TBCD: variants seen among roughly 807,000 people sequenced by gnomAD.
The protein encoded by TBCD is tubulin folding cofactor D.
Under a neutral mutation model 169.3 loss-of-function variants are expected in TBCD, and 105 were observed. That is an observed-to-expected ratio of 0.62 (90% CI 0.53 to 0.73). The LOEUF is 0.73. Among genes scored for constraint, TBCD ranks in the 30% least tolerant of loss-of-function variants. TBCD has a pLI of 0.00. For synonymous variants in TBCD, 700 were observed against 643.9 expected (o/e 1.09, Z -1.32); for missense variants, 1,444 against 1,600.1 (o/e 0.90, Z 1.66).
intron 13 of TBCD, among the ~76,000 whole-genome samples, chr17:82,867,171 G>A (rs759689722): frequency 7.9e-6 from 1 of 126,178 alleles, no homozygotes; most frequent in Non-Finnish European, 1.8e-5. Flanking sequence ...CAGCACCTCC[G>A]TGGCCTGGGG....
chr17:82,874,111 T>C lies in TBCD; in HGVS notation c.1475+3731T>C, dbSNP rs2057796618. On this transcript the variant is annotated intron_variant, in intron 14 of 38. Coordinates refer to ENST00000355528, the MANE Select transcript of TBCD (RefSeq NM_005993.5). This position sits in a 1 kb window ranked among gnomAD's most constrained non-coding sequence, Gnocchi z 5.0. The stretch of plus-strand genomic sequence containing the variant: ...GTGTGGGGTTGAGCCCATCATGCTG[T>C]GGGGTGCTCCCTGGGGGTTGTGTGT... 6.6e-6 allele frequency among the ~76,000 whole-genome samples: 1 copy of C among 152,112 alleles called. No homozygotes were observed. The highest frequency in any genetic ancestry group is 1.5e-5 in the Non-Finnish European group (1 of 68,010).
chr17:82,892,010 T>C (rs1330494567), intron 16 of TBCD, among the ~76,000 whole-genome samples: 1 of 152,090 alleles, frequency 6.6e-6, no homozygotes, highest in African/African-American at 2.4e-5. Flanking sequence ...TGTGGTGGCC[T>C]GTCCACACCC....
At position 82,816,580 on chromosome 17, in the gene TBCD, C is replaced by G. The variant is rs1263284837; in HGVS notation, c.1318+1646C>G. Among the ~76,000 whole-genome samples, 4 of 152,040 alleles carry G rather than the reference C, an allele frequency of 2.6e-5. No individual in the cohort carries two copies. In the East Asian group the frequency reaches 7.7e-4, roughly 29 times the overall value. ...ACGCGGTTTCACTTTGTTGCCCAGG[C>G]TGGAGTGTGGTGATGCAATCTCTGC... On this transcript the variant is annotated intron_variant, in intron 13 of 38. Transcript: ENST00000355528.
In TBCD at chr17:82,925,074, G is replaced by T; in HGVS notation, c.2379+17G>T. ...CTCCAGCAGGTGAGGCTGGCCACGCGCAGTGGACGGGGCCTAGGGCGAGGG... is the reference window on the plus strand; with the variant it reads ...CTCCAGCAGGTGAGGCTGGCCACGCTCAGTGGACGGGGCCTAGGGCGAGGG... On this transcript the variant is annotated intron_variant, in intron 27 of 38. Transcript: ENST00000355528. 6.5e-7 allele frequency: 1 copy of T among 1,538,046 alleles called. No individual in the cohort carries two copies. The highest frequency in any genetic ancestry group is 8.8e-7 in the Non-Finnish European group (1 of 1,138,478).
intron 13 of TBCD, among the ~76,000 whole-genome samples, chr17:82,868,693 T>A (rs2057354154): frequency 6.6e-6 from 1 of 152,220 alleles, no homozygotes; most frequent in Admixed American, 6.5e-5. Context: ...TTGCATATAA[T>A]ATTCGTAGTC....
At chr17:82,813,200 T>A (rs2051582454) in intron 12 of TBCD, among the ~76,000 whole-genome samples, 2 of 152,204 alleles carry the variant, frequency 1.3e-5, no homozygotes, top group Admixed American at 1.3e-4. Flanking sequence ...GAGGTCATTT[T>A]ACATTAGTGC....
chr17:82,823,935 C>G (rs1239757186), intron 13 of TBCD, among the ~76,000 whole-genome samples: 1 of 152,158 alleles, frequency 6.6e-6, no homozygotes, highest in East Asian at 1.9e-4. Flanking sequence ...CCCTGATGCT[C>G]CTTCCCTTCA....
chr17:82,932,539 C>T (rs1039602731), intron 33 of TBCD, 119 bp from the exon 34 acceptor site: 18 of 798,708 alleles, frequency 2.3e-5, no homozygotes, highest in African/African-American at 1.0e-4. Context: ...TGCGTTTCCA[C>T]GTAAATTATA....
intron 38 of TBCD, 81 bp from the exon 39 acceptor site, chr17:82,942,368 C>T: frequency 1.3e-6 from 2 of 1,599,452 alleles, no homozygotes; most frequent in Non-Finnish European, 1.7e-6. Context: ...CCACACAGGG[C>T]CCAGAGGGGT....
At chr17:82,860,430 CA>C in intron 13 of TBCD, 10 of 985,446 alleles carry the variant, frequency 1.0e-5, no homozygotes, top group Non-Finnish European at 1.2e-5. Context: ...GGGGGACAGA[CA>C]CAGGTGGAAG....
chr17:82,813,866 C>T (rs1228516315), intron 12 of TBCD, among the ~76,000 whole-genome samples: 2 of 152,212 alleles, frequency 1.3e-5, no homozygotes, highest in African/African-American at 4.8e-5. Context: ...GTGTCTGTCT[C>T]AGCCCCTCCT....
At chr17:82,899,362 G>GCGTCCTCAGCA (rs1555640339) in intron 17 of TBCD, among the ~76,000 whole-genome samples, 2 of 39,176 alleles carry the variant, frequency 5.1e-5, no homozygotes, top group Non-Finnish European at 8.1e-5. Flanking sequence ...TGTCCGCAGT[G>GCGTCCTCAGCA]CGTCCTCAGC....
rs778358744 is a variant in TBCD at position 82,889,637 on chromosome 17, T to C, written c.1534-31T>C. The stretch of plus-strand genomic sequence containing the variant: ...TGGTGTTGGCGGAAGCTGACCTCGC[T>C]CACCTGCTGTGTTTGTTCTTTGCTC... On this transcript the variant is annotated intron_variant, in intron 15 of 38. Coordinates refer to ENST00000355528, the MANE Select transcript of TBCD (RefSeq NM_005993.5). This position sits in a 1 kb window ranked among gnomAD's most constrained non-coding sequence, Gnocchi z 5.3. The C allele has an allele frequency of 6.2e-7, 1 of 1,613,906 alleles. No individual in the cohort carries two copies. The highest frequency in any genetic ancestry group is 1.7e-5 in the Admixed American group (1 of 60,000).
At chr17:82,830,671 T>A (rs1281492393) in intron 13 of TBCD, 1 of 1,613,650 alleles carries the variant, frequency 6.2e-7, no homozygotes, top group Admixed American at 1.7e-5. Flanking sequence ...GAGTGGAAGG[T>A]CCTGCAGCTC....
intron 8 of TBCD, among the ~76,000 whole-genome samples, chr17:82,798,573 T>A (rs1276862272): frequency 6.6e-6 from 1 of 151,516 alleles, no homozygotes; most frequent in African/African-American, 2.4e-5. Context: ...ATAACTGGAC[T>A]TTTTGTCACT....
chr17:82,856,517 A>C (rs1046437629), intron 13 of TBCD, among the ~76,000 whole-genome samples: 1 of 152,274 alleles, frequency 6.6e-6, no homozygotes, highest in East Asian at 1.9e-4. Flanking sequence ...CCTGACTCCC[A>C]AGGGCACAGT....
intron 16 of TBCD, chr17:82,893,251 G>A (rs1487608499): frequency 1.0e-4 from 42 of 417,870 alleles, no homozygotes; most frequent in East Asian, 5.1e-4. Flanking sequence ...GTATGTTTTC[G>A]GGAAAGGTCT....
chr17:82,840,944 A>G, intron 13 of TBCD, among the ~76,000 whole-genome samples: 1 of 125,212 alleles, frequency 8.0e-6, no homozygotes, highest in Non-Finnish European at 1.6e-5. Context: ...TGGCCAGGAC[A>G]GACAAACTGG....
chr17:82,802,007 G>C (rs1353763369), intron 9 of TBCD, among the ~76,000 whole-genome samples: 1 of 151,066 alleles, frequency 6.6e-6, no homozygotes, highest in Non-Finnish European at 1.5e-5. Flanking sequence ...TGGCGTGGCA[G>C]CGTGTGTGCG....
Sources: allele counts gnomAD v4.1 joint callset (sites outside exome capture counted in the v4.1 genomes callset), GRCh38; gene constraint gnomAD v4.1.1; non-coding constraint Gnocchi (gnomAD v3.1); transcripts MANE v1.5; gene names NCBI Gene and HGNC (gene_info 2026-07-23, HGNC 2026-07-21).